TMEM67: variants seen among roughly 807,000 people sequenced by gnomAD.
TMEM67 encodes the protein meckelin.
A neutral mutation model predicts 136.6 loss-of-function variants in TMEM67; 124 were observed. The observed-to-expected ratio is 0.91, with a 90% CI of 0.78 to 1.05. TMEM67 has a LOEUF of 1.05. Ranked by LOEUF, TMEM67 falls within the 50% of genes least tolerant of loss-of-function variation. TMEM67 has a pLI of 0.00. For missense variants in TMEM67, 1,107 were observed against 1,178.4 expected, an observed-to-expected ratio of 0.94 and a Z score of 0.89; for synonymous variants, 364 against 390.5, an observed-to-expected ratio of 0.93 and a Z score of 0.80.
chr8:93,755,854 C>A lies in TMEM67; in HGVS notation c.300C>A (p.Cys100Ter), dbSNP rs751309268. 7 of 1,582,278 alleles carry A rather than the reference C, an allele frequency of 4.4e-6. No homozygotes were observed. Among genetic ancestry groups the A allele is most frequent in the Non-Finnish European group, 6.0e-6 (7 of 1,159,160 alleles). ...GACCTGCTATTATTTGTAAAAAGTG[C>A]CCAGAAAACATGGTGCGCATAATTT... is the stretch of plus-strand genomic sequence containing the variant. ...NGGPAIICKK[C>*]PENMKGVTED... Residue 100 changes from cysteine (C) to a stop codon, truncating the protein, a stop_gained, in exon 2 of 28, where the codon TGC (cysteine) becomes TGA (stop). Transcript: ENST00000453321. LOFTEE classifies it high-confidence loss of function.
chr8:93,808,513 T>TAG, intron 23 of TMEM67, among the ~76,000 whole-genome samples: 1 of 15,108 alleles, frequency 6.6e-5, no homozygotes, highest in East Asian at 2.8e-3. Flanking sequence ...GATGAATATA[T>TAG]ATATTTATAA....
At chr8:93,791,222 A>G (rs1814359843) in intron 14 of TMEM67, 41 bp from the exon 15 acceptor site, 1 of 1,351,520 alleles carries the variant, frequency 7.4e-7, no homozygotes, top group African/African-American at 1.4e-5. Flanking sequence ...TTTGTATCAT[A>G]TAATTTCAGT....
chr8:93,780,554 A>C (rs1404000884), intron 7 of TMEM67, 39 bp from the exon 8 acceptor site: 1 of 1,613,182 alleles, frequency 6.2e-7, no homozygotes, highest in South Asian at 1.1e-5. Context: ...TAGACTGTTC[A>C]GGTTCATGTT....
chr8:93,798,743 C>T (rs1814732765), intron 20 of TMEM67, among the ~76,000 whole-genome samples: 1 of 151,958 alleles, frequency 6.6e-6, no homozygotes, highest in Non-Finnish European at 1.5e-5. Context: ...ATGTTTGTAT[C>T]CCTAGGGCTT....
intron 6 of TMEM67, among the ~76,000 whole-genome samples, chr8:93,771,522 A>G (rs1057446571): frequency 1.7e-4 from 26 of 152,188 alleles, no homozygotes; most frequent in Non-Finnish European, 3.4e-4. Flanking sequence ...AATTTGTATA[A>G]TGGTATCTCC....
chr8:93,771,883 C>A (rs1389880728), intron 6 of TMEM67, among the ~76,000 whole-genome samples: 1 of 152,196 alleles, frequency 6.6e-6, no homozygotes, highest in Non-Finnish European at 1.5e-5. Context: ...ATAGATTTCT[C>A]TGATCACTGT....
At chr8:93,795,813 A>C (rs1814585324) in intron 17 of TMEM67, 88 bp from the exon 18 acceptor site, 4 of 1,149,840 alleles carry the variant, frequency 3.5e-6, no homozygotes, top group Non-Finnish European at 5.1e-6. Flanking sequence ...TCCTTTCCCA[A>C]AAAAAAACAA....
intron 23 of TMEM67, among the ~76,000 whole-genome samples, chr8:93,806,478 CAA>C (rs1174614663): frequency 2.2e-4 from 33 of 152,084 alleles, no homozygotes; most frequent in African/African-American, 7.5e-4. Context: ...ATAGATGAAA[CAA>C]AATTGATAAA....
In TMEM67 at chr8:93,795,804, C is replaced by A; in HGVS notation, c.1774-97C>A. ...TGCCCGGGCAGCATACTGAGACCCT[C>A]CTTTCCCAAAAAAAAACAAAAACGA... On this transcript the variant is annotated intron_variant, in intron 17 of 27. Coordinates refer to ENST00000453321, the MANE Select transcript of TMEM67 (RefSeq NM_153704.6). 3 of 961,682 alleles carry A rather than the reference C, an allele frequency of 3.1e-6. No individual in the cohort carries two copies. The South Asian group carries it at 4.4e-5, about 14-fold the overall frequency. 59.6% of individuals were successfully genotyped at this position (961,682 alleles called of 1,614,324 possible). A position where few individuals can be genotyped will look rare whatever the true frequency, so the allele number is the denominator to read the frequency against.
chr8:93,803,544 C>G, intron 21 of TMEM67, 60 bp from the exon 22 acceptor site: 1 of 1,100,498 alleles, frequency 9.1e-7, no homozygotes, highest in South Asian at 1.2e-5. Context: ...TACACTGTGG[C>G]TGTAAAAGAA....
chr8:93,792,636 ATTAT>A (rs1202597282), intron 15 of TMEM67, among the ~76,000 whole-genome samples: 1 of 151,872 alleles, frequency 6.6e-6, no homozygotes, highest in Non-Finnish European at 1.5e-5. Flanking sequence ...TATTTATTCA[ATTAT>A]TTATTTTTAA....
intron 21 of TMEM67, 143 bp downstream of exon 21, chr8:93,799,901 G>GTTAT: frequency 2.3e-6 from 1 of 430,208 alleles, no homozygotes; most frequent in Non-Finnish European, 4.0e-6. Context: ...CTAATGGTCA[G>GTTAT]TTCTTTTTTT....
Position 93,793,128 on chromosome 8 carries a change from T to C in TMEM67, c.1576-70T>C. 10 of 1,409,694 alleles carry C rather than the reference T, an allele frequency of 7.1e-6. No individual in the cohort carries two copies. In the South Asian group the frequency reaches 1.2e-4, roughly 16 times the overall value. The allele number at this position is 1,409,694 out of a possible 1,614,324, so 87.3% of individuals were successfully genotyped here. Reference sequence around the variant, plus strand: ...ACCATTTTTTTGAGCACTTCCTTACTTGTTCACAGTGTTTTTGAACACCGA... The same window carrying C: ...ACCATTTTTTTGAGCACTTCCTTACCTGTTCACAGTGTTTTTGAACACCGA... On this transcript the variant is annotated intron_variant, in intron 15 of 27. Coordinates refer to ENST00000453321, the MANE Select transcript of TMEM67 (RefSeq NM_153704.6).
At position 93,763,860 on chromosome 8, in the gene TMEM67, G is replaced by A; in HGVS notation, c.425G>A (p.Gly142Glu). 1 of 1,612,700 alleles carries A rather than the reference G, an allele frequency of 6.2e-7. No homozygotes were observed. Residue 142 changes from glycine (G) to glutamate (E), a missense_variant, in exon 4 of 28, where the codon GGA becomes GAA. Transcript: ENST00000453321. ...GHILVERDINGTLLSQATCEL... is the reference protein window; with the variant it reads ...GHILVERDINETLLSQATCEL... ...TGTTCAGTGGAAAGAGACATTAATG[G>A]AACATTGTTGTCTCAAGCAACTTGT...
At chr8:93,772,931 G>A (rs1372010163) in intron 7 of TMEM67, among the ~76,000 whole-genome samples, 5 of 152,054 alleles carry the variant, frequency 3.3e-5, no homozygotes, top group African/African-American at 1.2e-4. Context: ...ACTGTGTGCC[G>A]GGCCCAATTC....
At position 93,765,583 on chromosome 8, in the gene TMEM67, A is replaced by G; in HGVS notation, c.588A>G (p.Leu196=). The change falls in exon 6 of 28, where the codon TTA becomes TTG. Residue 196 remains leucine (L), a synonymous_variant. Coordinates refer to ENST00000453321, the MANE Select transcript of TMEM67 (RefSeq NM_153704.6). Reference sequence around the variant, plus strand: ...ATTTATTTATGAAGACAGGGGGATTATGTTTCAGCAGCACAGGGAATTTTC... The same window carrying G: ...ATTTATTTATGAAGACAGGGGGATTGTGTTTCAGCAGCACAGGGAATTTTC... ...CSEPNILTGG[L]CFSSTGNFPL... The G allele has an allele frequency of 6.2e-7, 1 of 1,612,842 alleles. No individual in the cohort carries two copies. Among genetic ancestry groups the G allele is most frequent in the Non-Finnish European group, 8.5e-7 (1 of 1,178,830 alleles).
At chr8:93,783,817 A>AG (rs56718520) in intron 11 of TMEM67, among the ~76,000 whole-genome samples, 2,786 of 152,246 alleles carry the variant, frequency 0.018, 86 homozygotes, top group African/African-American at 0.061. Flanking sequence ...TAAAACCATC[A>AG]ATCTCATGAG....
intron 17 of TMEM67, 101 bp from the exon 18 acceptor site, chr8:93,795,800 C>A (rs995060600): frequency 3.3e-5 from 29 of 892,054 alleles, no homozygotes; most frequent in Non-Finnish European, 4.6e-5. Context: ...CATACTGAGA[C>A]CCTCCTTTCC....
chr8:93,830,012 T>C, the TMEM67 span, among the ~76,000 whole-genome samples: 1 of 152,196 alleles, frequency 6.6e-6, no homozygotes, highest in Non-Finnish European at 1.5e-5. Context: ...GAAGGGGTCC[T>C]GCCCTATAAC....
Sources: gnomAD v4.1 joint callset for allele counts (sites outside exome capture counted in the v4.1 genomes callset) on GRCh38, gnomAD v4.1.1 for gene constraint, MANE v1.5 for transcripts, NCBI Gene and HGNC (gene_info 2026-07-23, HGNC 2026-07-21) for gene names.